The following TRPV2 variants were observed in gnomAD, a reference collection of about 807,000 sequenced individuals.
The protein encoded by TRPV2 is transient receptor potential cation channel subfamily V member 2.
Under a neutral mutation model 91.0 loss-of-function variants are expected in TRPV2, and 58 were observed. The ratio of observed to expected loss-of-function variants is 0.64; its 90% CI spans 0.52 to 0.79. The LOEUF (loss-of-function observed/expected upper bound fraction) is 0.79. Ranked by LOEUF, TRPV2 falls within the 30% of genes least tolerant of loss-of-function variation. TRPV2 has a pLI of 0.00. For missense variants in TRPV2, 807 were observed against 969.6 expected, an observed-to-expected ratio of 0.83 and a Z score of 2.23; for synonymous variants, 417 against 414.8, an observed-to-expected ratio of 1.01 and a Z score of -0.06.
At chr17:16,431,277 ATATATATATACATATTTTTT>A (rs1368409821) in intron 10 of TRPV2, among the ~76,000 whole-genome samples, 2 of 75,748 alleles carry the variant, frequency 2.6e-5, no homozygotes, top group African/African-American at 5.9e-5. Flanking sequence ...ATATATATAT[ATATATATATACATATTTTTT>A]TTTTTTTTTT....
chr17:16,436,646 GAGA>G (rs1568924781), intron 14 of TRPV2, 140 bp from the exon 15 acceptor site: 3 of 665,306 alleles, frequency 4.5e-6, no homozygotes, highest in Admixed American at 4.5e-5. Flanking sequence ...GGGAAGCAGG[GAGA>G]AGGATTGCTG....
At chr17:16,433,490 A>G in intron 12 of TRPV2, 84 bp from the exon 13 acceptor site, 1 of 1,557,264 alleles carries the variant, frequency 6.4e-7, no homozygotes, top group African/African-American at 1.4e-5. Flanking sequence ...GCTGCGCGGC[A>G]CTTCCCTGCT....
At chr17:16,421,537 T>C (rs1259858066) in intron 3 of TRPV2, among the ~76,000 whole-genome samples, 136 of 139,216 alleles carry the variant, frequency 9.8e-4, no homozygotes, top group South Asian at 1.6e-3. Context: ...TTTTTTTTTT[T>C]CCGAGACGGA....
chr17:16,431,279 ATATATATACATATTTT>A (rs1274302055), intron 10 of TRPV2, among the ~76,000 whole-genome samples: 885 of 74,954 alleles, frequency 0.012, 21 homozygotes, highest in African/African-American at 0.047. Context: ...ATATATATAT[ATATATATACATATTTT>A]TTTTTTTTTT....
intron 2 of TRPV2, among the ~76,000 whole-genome samples, chr17:16,419,077 C>T (rs539775729): frequency 2.0e-5 from 3 of 151,986 alleles, no homozygotes; most frequent in Non-Finnish European, 4.4e-5. Flanking sequence ...TTGTCACCAA[C>T]CTTTACTTGG....
intron 8 of TRPV2, among the ~76,000 whole-genome samples, chr17:16,427,962 C>T (rs1273786113): frequency 6.6e-6 from 1 of 152,168 alleles, no homozygotes; most frequent in Non-Finnish European, 1.5e-5. Flanking sequence ...ACAGGCTGGA[C>T]ACCAAGACAT....
intron 4 of TRPV2, 39 bp from the exon 5 acceptor site, chr17:16,423,430 C>T: frequency 6.4e-7 from 1 of 1,557,650 alleles, no homozygotes; most frequent in Non-Finnish European, 8.7e-7. Context: ...AGATGGAAAG[C>T]AGGAGGCCTG....
In TRPV2 at chr17:16,436,844, C is replaced by T; in HGVS notation, c.2250C>T (p.Ala750=). The T allele has an allele frequency of 6.2e-7, 1 of 1,614,108 alleles. No individual in the cohort carries two copies. The highest frequency in any genetic ancestry group is 8.5e-7 in the Non-Finnish European group (1 of 1,179,992). Reference sequence around the variant, plus strand: ...CTCCCAAGGAGGATGAGGATGGTGCCTCTGAGGAAAACTATGTGCCCGTCC... The same window carrying T: ...CTCCCAAGGAGGATGAGGATGGTGCTTCTGAGGAAAACTATGTGCCCGTCC... ...ASPPKEDEDG[A]SEENYVPVQL... The change falls in exon 15 of 15, where the codon GCC becomes GCT. Residue 750 remains alanine (A), a synonymous_variant. Coordinates refer to ENST00000338560, the MANE Select transcript of TRPV2 (RefSeq NM_016113.5).
chr17:16,428,786 G>A (rs751000263), intron 9 of TRPV2, 31 bp from the exon 10 acceptor site: 22 of 1,611,504 alleles, frequency 1.4e-5, no homozygotes, highest in Middle Eastern at 2.2e-4. Context: ...CAAGTGGCCC[G>A]CAAGCCCACC....
At chr17:16,436,734 G>A (rs1471653448) in intron 14 of TRPV2, 55 bp from the exon 15 acceptor site, 12 of 1,337,716 alleles carry the variant, frequency 9.0e-6, no homozygotes, top group Non-Finnish European at 1.3e-5. Flanking sequence ...CCTGGTGCCT[G>A]CTTCCTGGGG....
At chr17:16,422,077 G>C (rs2093360180) in intron 3 of TRPV2, among the ~76,000 whole-genome samples, 1 of 151,698 alleles carries the variant, frequency 6.6e-6, no homozygotes, top group Non-Finnish European at 1.5e-5. Context: ...GGCCGAGGTG[G>C]GCAGATCATG....
In TRPV2 at chr17:16,435,080, T is replaced by C; in HGVS notation, c.2194+111T>C. 1 of 790,952 alleles carries C rather than the reference T, an allele frequency of 1.3e-6. No individual in the cohort carries two copies. The highest frequency in any genetic ancestry group is 1.9e-6 in the Non-Finnish European group (1 of 520,476). The allele number at this position is 790,952 out of a possible 1,614,324, so 49.0% of individuals were successfully genotyped here. ...ACCCAGAGACCTCCTCATAGTCCCT[T>C]TGCAGATCCCCACATGCCAGCTCCT... On this transcript the variant is annotated intron_variant, in intron 14 of 14. Transcript: ENST00000338560. The surrounding 1 kb of genome is among the most constrained non-coding windows in gnomAD (Gnocchi z 4.2).
chr17:16,432,829 G>C (rs2093419714), intron 12 of TRPV2, among the ~76,000 whole-genome samples: 1 of 144,334 alleles, frequency 6.9e-6, no homozygotes, highest in African/African-American at 2.6e-5. Flanking sequence ...TTTGAGTCAA[G>C]AGTTTTGCTC....
rs745611549 is a variant in TRPV2, at chr17:16,433,628, C to A, written c.2044C>A (p.Gln682Lys). The A allele has an allele frequency of 1.1e-4, 178 of 1,614,068 alleles. No homozygotes were observed. The highest frequency in any genetic ancestry group is 1.4e-4 in the Non-Finnish European group (170 of 1,180,042). The change falls in exon 13 of 15, where the codon CAG becomes AAG. Residue 682 changes from glutamine to lysine, a missense_variant. Gln to Lys is a moderately conservative substitution (Grantham distance 53). Transcript: ENST00000338560. Reference sequence around the variant, plus strand: ...TGGCTATTGGTGGTGCAGGAAGAAGCAGCGGGCAGGTGTGATGCTGACCGT... The same window carrying A: ...TGGCTATTGGTGGTGCAGGAAGAAGAAGCGGGCAGGTGTGATGCTGACCGT... ...ENGYWWCRKK[Q>K]RAGVMLTVGT...
Position 16,423,476 on chromosome 17 carries a change from AC to A in TRPV2, c.637del (p.Leu213SerfsTer13), listed in dbSNP as rs764525019. 2.5e-6 allele frequency: 4 copies of A among 1,604,578 alleles called. No homozygotes were observed. Among genetic ancestry groups the A allele is most frequent in the Non-Finnish European group, 3.4e-6 (4 of 1,174,168 alleles). On this transcript the variant is annotated frameshift_variant, in exon 5 of 15. Coordinates refer to ENST00000338560, the MANE Select transcript of TRPV2 (RefSeq NM_016113.5). LOFTEE classifies it high-confidence loss of function. ...QGTCFYFGEL[P>X]LSLAACTKQW... ...TGCTCTCTTGGCCTGCAGGTGAGCT[AC>A]CCCTCTCTTTGGCCGCTTGCACCAA... is the stretch of plus-strand genomic sequence containing the variant.
Position 16,428,814 on chromosome 17 carries a change from C to T in TRPV2, c.1422-3C>T, listed in dbSNP as rs1284289091. ...AGCCCACCTGGATTCTGCTCCCACA[C>T]AGCCTGTTCCAGGCCCTGCTCACAG... On this transcript the variant is annotated splice_polypyrimidine_tract_variant and splice_region_variant and intron_variant, in intron 9 of 14. Transcript: ENST00000338560. The T allele has an allele frequency of 1.2e-6, 2 of 1,612,962 alleles. No homozygotes were observed. The highest frequency in any genetic ancestry group is 2.2e-5 in the South Asian group (2 of 91,024).
intron 14 of TRPV2, 51 bp from the exon 15 acceptor site, chr17:16,436,738 C>A: frequency 7.3e-7 from 1 of 1,375,768 alleles, no homozygotes; most frequent in Non-Finnish European, 1.0e-6. Flanking sequence ...GTGCCTGCTT[C>A]CTGGGGACAC....
chr17:16,419,317 C>A (rs1435591619), intron 2 of TRPV2: 3 of 470,832 alleles, frequency 6.4e-6, no homozygotes, highest in African/African-American at 6.0e-5. Context: ...CTACCAGATC[C>A]CTTCCGGGGT....
In TRPV2 at chr17:16,427,512, A is replaced by G. The variant is rs2093389112; in HGVS notation, c.1315A>G (p.Ile439Val). ...NSMLLTGHIL[I>V]LLGGIYLLVG... ...CATGCTGCTGACGGGCCACATCCTT[A>G]TCCTGCTAGGGGGGATCTACCTCCT... Residue 439 changes from isoleucine (I) to valine (V), a missense_variant, in exon 8 of 15, where the codon ATC (isoleucine) becomes GTC (valine). Transcript: ENST00000338560. 1 of 1,613,828 alleles carries G rather than the reference A, an allele frequency of 6.2e-7. No individual in the cohort carries two copies. Among genetic ancestry groups the G allele is most frequent in the African/African-American group, 1.3e-5 (1 of 75,026 alleles).
Sources: allele counts gnomAD v4.1 joint callset (sites outside exome capture counted in the v4.1 genomes callset), GRCh38; gene constraint gnomAD v4.1.1; non-coding constraint Gnocchi (gnomAD v3.1); transcripts MANE v1.5; gene names NCBI Gene and HGNC (gene_info 2026-07-23, HGNC 2026-07-21).